Variants in ADARB1 observed in about 807,000 individuals in gnomAD.
The protein encoded by ADARB1 is adenosine deaminase RNA specific B1.
In ADARB1, 10 loss-of-function variants were observed where a neutral mutation model predicts 52.4. The observed-to-expected ratio is 0.19, with a 90% CI of 0.12 to 0.32. ADARB1 has a LOEUF of 0.32. Among genes scored for constraint, ADARB1 ranks in the 10% least tolerant of loss-of-function variants. ADARB1 has a pLI of 1.00. For missense variants in ADARB1, 643 were observed against 922.3 expected (o/e 0.70, Z 3.92); for synonymous variants, 349 against 371.1 (o/e 0.94, Z 0.68).
chr21:45,161,537 G>A (rs1220767869), intron 2 of ADARB1, among the ~76,000 whole-genome samples: 1 of 152,248 alleles, frequency 6.6e-6, no homozygotes, highest in Non-Finnish European at 1.5e-5. Context: ...TGACAAGCAT[G>A]AGAGGGAGGC....
Position 45,160,754 on chromosome 21 carries a change from C to T in ADARB1, c.-47-10856C>T, listed in dbSNP as rs183505647. On this transcript the variant is annotated intron_variant, in intron 2 of 10. Coordinates refer to ENST00000348831, the MANE Select transcript of ADARB1 (RefSeq NM_001112.4). ...TATGGTGAGTGTCCTCCTTACAGAG[C>T]GTGTACTGAATTTGGGTTTTACTCC... is the stretch of plus-strand genomic sequence containing the variant. 5.0e-4 allele frequency among the ~76,000 whole-genome samples: 76 copies of T among 152,284 alleles called. 1 individual carries two copies. The highest frequency in any genetic ancestry group is 1.6e-3 in the African/African-American group (65 of 41,558).
At chr21:45,167,856 G>T (rs991578679) in intron 2 of ADARB1, among the ~76,000 whole-genome samples, 2 of 152,178 alleles carry the variant, frequency 1.3e-5, no homozygotes, top group African/African-American at 2.4e-5. Flanking sequence ...ATGCCCAGGA[G>T]TACAATTGCT....
chr21:45,090,157 C>T (rs758719644), intron 1 of ADARB1, among the ~76,000 whole-genome samples: 10 of 152,116 alleles, frequency 6.6e-5, no homozygotes, highest in Non-Finnish European at 1.2e-4. Context: ...ACCATATGTG[C>T]GTCTGTTGAA....
At position 45,224,067 on chromosome 21, in the gene ADARB1, C is replaced by G; in HGVS notation, c.*1870C>G. ...AAGGAGAGGGGTCTGTTGTCGCTGG[C>G]TTTCCCCCAAGCAGGCTCTTGCACA... On this transcript the variant is annotated 3_prime_UTR_variant, in exon 11 of 11. Coordinates refer to ENST00000348831, the MANE Select transcript of ADARB1 (RefSeq NM_001112.4). 1 of 985,466 alleles carries G rather than the reference C, an allele frequency of 1.0e-6. No homozygotes were observed. Among genetic ancestry groups the G allele is most frequent in the Non-Finnish European group, 1.2e-6 (1 of 829,974 alleles). 61.0% of individuals were successfully genotyped at this position (985,466 alleles called of 1,614,324 possible).
At chr21:45,082,370 C>T (rs1233285773) in intron 1 of ADARB1, among the ~76,000 whole-genome samples, 3 of 152,204 alleles carry the variant, frequency 2.0e-5, no homozygotes, top group Non-Finnish European at 4.4e-5. Flanking sequence ...ATCACTTTCA[C>T]ACCATCATAA....
chr21:45,189,444 T>A (rs1432181319), intron 8 of ADARB1, among the ~76,000 whole-genome samples: 3 of 152,240 alleles, frequency 2.0e-5, no homozygotes, highest in Non-Finnish European at 2.9e-5. Flanking sequence ...TACATTGTAG[T>A]TGTAATGTTT....
At chr21:45,183,537 C>T in intron 7 of ADARB1, 27 bp downstream of exon 7, 1 of 1,608,264 alleles carries the variant, frequency 6.2e-7, no homozygotes. Flanking sequence ...TTCAACAAGC[C>T]AGTTTCTCAA....
intron 2 of ADARB1, among the ~76,000 whole-genome samples, chr21:45,156,868 A>G (rs2090685569): frequency 6.6e-6 from 1 of 152,082 alleles, no homozygotes; most frequent in Non-Finnish European, 1.5e-5. Flanking sequence ...TAGGTGCATG[A>G]AGAGGATGGA....
At chr21:45,131,487 C>A (rs898288896) in intron 2 of ADARB1, among the ~76,000 whole-genome samples, 1 of 152,228 alleles carries the variant, frequency 6.6e-6, no homozygotes, top group African/African-American at 2.4e-5. Flanking sequence ...GCATGGAAGT[C>A]CTTTTGTGCA....
rs192446675 is a variant in ADARB1, at chr21:45,184,235, T to A, written c.1397-688T>A. 7.3e-3 allele frequency among the ~76,000 whole-genome samples: 1,108 copies of A among 152,338 alleles called. 8 individuals are homozygous for A. The highest frequency in any genetic ancestry group is 0.025 in the African/African-American group (1,059 of 41,584). On this transcript the variant is annotated intron_variant, in intron 7 of 10. Coordinates refer to ENST00000348831, the MANE Select transcript of ADARB1 (RefSeq NM_001112.4). ...CTGTCTAGATTTATTTTGGAAATTT[T>A]AAAAATATAGAGGAAAATAACATGG...
chr21:45,153,493 AG>A (rs1393354837), intron 2 of ADARB1, among the ~76,000 whole-genome samples: 1 of 152,148 alleles, frequency 6.6e-6, no homozygotes, highest in Admixed American at 6.5e-5. Context: ...CCCACCCGAC[AG>A]GACTGGAGTA....
At chr21:45,194,786 TAA>T in intron 8 of ADARB1, among the ~76,000 whole-genome samples, 1 of 152,314 alleles carries the variant, frequency 6.6e-6, no homozygotes, top group African/African-American at 2.4e-5. Context: ...AAGTGCTAAA[TAA>T]TAGTTTGGAT....
chr21:45,149,969 A>C lies in ADARB1; in HGVS notation c.-48+21396A>C, dbSNP rs375027254. Among the ~76,000 whole-genome samples, 27 of 152,350 alleles carry C rather than the reference A, an allele frequency of 1.8e-4. No individual in the cohort carries two copies. In the East Asian group the frequency reaches 5.0e-3, roughly 28 times the overall value. ...TACAGAAAATGTTTGCTACCACTTG[A>C]TCTAAAGGATTAAAAAATAAAACAT... On this transcript the variant is annotated intron_variant, in intron 2 of 10. Transcript: ENST00000348831.
intron 1 of ADARB1, among the ~76,000 whole-genome samples, chr21:45,088,605 A>T (rs2086437738): frequency 6.6e-6 from 1 of 152,228 alleles, no homozygotes; most frequent in Admixed American, 6.5e-5. Flanking sequence ...GCACTATGGA[A>T]ATAGTTACTT....
intron 2 of ADARB1, among the ~76,000 whole-genome samples, chr21:45,155,973 ACCC>A (rs2090564024): frequency 1.1e-3 from 2 of 1,880 alleles, no homozygotes; most frequent in African/African-American, 2.1e-3. Flanking sequence ...CCACCCACCC[ACCC>A]ACCATCACCC....
chr21:45,129,480 G>A (rs2088796560), intron 2 of ADARB1, among the ~76,000 whole-genome samples: 1 of 152,256 alleles, frequency 6.6e-6, no homozygotes, highest in Non-Finnish European at 1.5e-5. Context: ...CTGCTGGCTG[G>A]AGGAACGCAG....
At chr21:45,123,783 T>G (rs952527708) in intron 1 of ADARB1, among the ~76,000 whole-genome samples, 5 of 152,080 alleles carry the variant, frequency 3.3e-5, no homozygotes, top group African/African-American at 1.2e-4. Flanking sequence ...TAATTTTTTG[T>G]AGAGATGGGG....
At chr21:45,180,043 G>T (rs1234808170) in intron 4 of ADARB1, among the ~76,000 whole-genome samples, 2 of 152,260 alleles carry the variant, frequency 1.3e-5, no homozygotes, top group African/African-American at 4.8e-5. Flanking sequence ...CTGGCCTGCG[G>T]TGAGGATTGG....
chr21:45,109,194 T>TGC (rs1240642770), intron 1 of ADARB1, among the ~76,000 whole-genome samples: 685 of 47,768 alleles, frequency 0.014, 5 homozygotes, highest in Non-Finnish European at 0.032. Flanking sequence ...TATATGTGTG[T>TGC]GCACGTGTGT....
Sources: gnomAD v4.1 joint callset for allele counts (sites outside exome capture counted in the v4.1 genomes callset) on GRCh38, gnomAD v4.1.1 for gene constraint, MANE v1.5 for transcripts, NCBI Gene and HGNC (gene_info 2026-07-23, HGNC 2026-07-21) for gene names.